Variants in DAB1 observed in about 807,000 individuals in gnomAD.
DAB1 encodes disabled homolog 1.
A neutral mutation model predicts 64.6 loss-of-function variants in DAB1; 15 were observed. The ratio of observed to expected loss-of-function variants is 0.23; its 90% CI spans 0.16 to 0.36. The LOEUF is 0.36. DAB1 is among the 10% of genes least tolerant of loss of function. The probability of loss-of-function intolerance (pLI) is 1.00; values close to 1 mark genes in which losing one functional copy is unlikely to be tolerated. For missense variants in DAB1, 596 were observed against 706.7 expected (o/e 0.84, Z 1.78); for synonymous variants, 235 against 251.9 (o/e 0.93, Z 0.64).
At chr1:57,429,034 TC>T (rs113187710), upstream of DAB1, among the ~76,000 whole-genome samples, 4 of 151,892 alleles carry the variant, frequency 2.6e-5, no homozygotes, top group African/African-American at 9.6e-5. Context: ...TGCTTCAGCC[TC>T]CCAAGTATCT....
chr1:57,323,046 G>GGT (rs1675849526), intron 1 of DAB1, among the ~76,000 whole-genome samples: 1 of 39,790 alleles, frequency 2.5e-5, no homozygotes, highest in Non-Finnish European at 4.2e-5. Flanking sequence ...AGAGTTCTGA[G>GGT]ATTTTTTTTT....
intron 4 of DAB1, among the ~76,000 whole-genome samples, chr1:58,184,390 C>T (rs963137735): frequency 6.6e-6 from 1 of 151,496 alleles, no homozygotes; most frequent in Non-Finnish European, 1.5e-5. Context: ...AGTCCTAATA[C>T]CTAGGACAAT....
At chr1:57,871,271 T>C (rs1456339542) in intron 1 of DAB1, among the ~76,000 whole-genome samples, 1 of 141,472 alleles carries the variant, frequency 7.1e-6, no homozygotes, top group African/African-American at 2.4e-5. Context: ...CTAAGAGGTA[T>C]AACTATCTAA....
In DAB1 at chr1:57,555,940, A is replaced by G. The variant is rs184591099; in HGVS notation, n.625+93652T>C. On this transcript the variant is annotated intron_variant and non_coding_transcript_variant, in intron 7 of 20. Transcript: ENST00000485760. ...TTTCATTCCAACTCCCAATTAAGCT[A>G]TTTGGTTTGTTCTACCTGCTACTTA... Among the ~76,000 whole-genome samples the G allele has an allele frequency of 1.2e-3, 176 of 152,140 alleles. 2 individuals carry two copies. The highest frequency in any genetic ancestry group is 2.2e-4 in the Non-Finnish European group (15 of 67,996).
chr1:58,120,637 C>A (rs1341827871), intron 5 of DAB1, among the ~76,000 whole-genome samples: 1 of 152,130 alleles, frequency 6.6e-6, no homozygotes, highest in Non-Finnish European at 1.5e-5. Context: ...AAGGCAATGG[C>A]ACTAAAAGAC....
At chr1:57,872,411 T>A (rs773570833) in intron 1 of DAB1, among the ~76,000 whole-genome samples, 3 of 152,176 alleles carry the variant, frequency 2.0e-5, no homozygotes, top group Admixed American at 1.3e-4. Flanking sequence ...AAGTAGATAC[T>A]CATCAGACAC....
intron 2 of DAB1, among the ~76,000 whole-genome samples, chr1:57,227,057 T>A (rs1667322029): frequency 6.6e-6 from 1 of 150,518 alleles, no homozygotes; most frequent in African/African-American, 2.4e-5. Context: ...GTGCCTGTAG[T>A]CCCAGCTACT....
At chr1:58,162,195 A>G (rs1333055663) in intron 4 of DAB1, among the ~76,000 whole-genome samples, 1 of 152,148 alleles carries the variant, frequency 6.6e-6, no homozygotes, top group African/African-American at 2.4e-5. Flanking sequence ...GGAAAAGAGG[A>G]TATTCTTATC....
At chr1:57,386,856 G>A (rs1254209449) in intron 1 of DAB1, 3 of 152,104 alleles carry the variant, frequency 2.0e-5, no homozygotes, top group African/African-American at 7.2e-5. Context: ...GCAACATTAA[G>A]CTGTAGAATG....
In DAB1 at chr1:58,121,042, TA is replaced by T. The variant is rs567306167; in HGVS notation, n.387+29468del. 4.0e-3 allele frequency among the ~76,000 whole-genome samples: 610 copies of T among 152,310 alleles called. 2 individuals carry two copies. Among genetic ancestry groups the T allele is most frequent in the Non-Finnish European group, 7.0e-3 (479 of 68,014 alleles). On this transcript the variant is annotated intron_variant and non_coding_transcript_variant, in intron 5 of 20. Transcript: ENST00000485760. ...ACATTCTGCTTCCAGGCAATTTTGC[TA>T]CTATCTTGATTTTTTTCCACGTTTA...
chr1:57,931,483 G>C (rs1644952527), intron 5 of DAB1, among the ~76,000 whole-genome samples: 1 of 152,136 alleles, frequency 6.6e-6, no homozygotes, highest in Non-Finnish European at 1.5e-5. Context: ...ATCTAGGCCT[G>C]GTCCCTTCTG....
chr1:57,214,285 A>G (rs1666243776), intron 2 of DAB1, among the ~76,000 whole-genome samples: 1 of 152,188 alleles, frequency 6.6e-6, no homozygotes, highest in South Asian at 2.1e-4. Flanking sequence ...AGAAGTCCTC[A>G]TGGCCTAATC....
chr1:57,098,120 C>T (rs526603), intron 4 of DAB1, among the ~76,000 whole-genome samples: 93,178 of 152,022 alleles, frequency 0.61, 29,129 homozygotes, highest in East Asian at 0.85. Context: ...TGTGACTTCA[C>T]AGAGTTGATA....
intron 5 of DAB1, among the ~76,000 whole-genome samples, chr1:58,075,011 A>G (rs888473598): frequency 3.9e-5 from 6 of 152,168 alleles, no homozygotes; most frequent in Non-Finnish European, 8.8e-5. Flanking sequence ...CCAGGCAAAC[A>G]CTTCCACCAA....
intron 7 of DAB1, 97 bp from the exon 8 acceptor site, chr1:57,069,522 TA>T: frequency 2.0e-6 from 2 of 1,001,940 alleles, no homozygotes; most frequent in Non-Finnish European, 3.1e-6. Context: ...CAGCGAGCAT[TA>T]ACGAAGCAGG....
intron 4 of DAB1, among the ~76,000 whole-genome samples, chr1:58,267,983 T>C (rs1472919901): frequency 6.6e-6 from 1 of 152,146 alleles, no homozygotes. Flanking sequence ...CACACTTAAC[T>C]AGATTCTGAG....
chr1:57,885,621 T>C (rs1194003397), upstream of DAB1, among the ~76,000 whole-genome samples: 1 of 152,182 alleles, frequency 6.6e-6, no homozygotes, highest in East Asian at 1.9e-4. Context: ...ATTAACAAAA[T>C]ATGTTCTTAC....
chr1:58,164,187 C>T (rs1655694040), intron 4 of DAB1, among the ~76,000 whole-genome samples: 1 of 115,866 alleles, frequency 8.6e-6, no homozygotes, highest in Admixed American at 8.8e-5. Flanking sequence ...GAGAGCTCAG[C>T]TTAAAAAAAA....
At chr1:58,043,479 C>A (rs950035641) in intron 5 of DAB1, among the ~76,000 whole-genome samples, 1 of 152,124 alleles carries the variant, frequency 6.6e-6, no homozygotes, top group Admixed American at 6.5e-5. Flanking sequence ...CTTCTATTTC[C>A]ACTGCTTGTA....
Sources: gnomAD v4.1 joint callset for allele counts (sites outside exome capture counted in the v4.1 genomes callset) on GRCh38, gnomAD v4.1.1 for gene constraint, MANE v1.5 for transcripts, NCBI Gene and HGNC (gene_info 2026-07-23, HGNC 2026-07-21) for gene names.